The following ARHGAP26 variants were observed in gnomAD, a reference collection of about 807,000 sequenced individuals.
ARHGAP26 encodes the protein Rho GTPase activating protein 26.
ARHGAP26 carries 38 observed loss-of-function variants against 104.8 expected under a neutral mutation model. The observed-to-expected ratio is 0.36, with a 90% CI of 0.28 to 0.48. ARHGAP26 has a LOEUF of 0.48. Ranked by LOEUF, ARHGAP26 falls within the 20% of genes least tolerant of loss-of-function variation. ARHGAP26 has a pLI of 0.99. For synonymous variants in ARHGAP26, 341 were observed against 340.0 expected (o/e 1.00, Z -0.03); for missense variants, 704 against 947.9 (o/e 0.74, Z 3.38).
At chr5:143,018,609 G>A (rs1181246197) in intron 12 of ARHGAP26, among the ~76,000 whole-genome samples, 1 of 152,142 alleles carries the variant, frequency 6.6e-6, no homozygotes, top group Non-Finnish European at 1.5e-5. Context: ...TTCTTCCCTC[G>A]ATTGATTTGT....
intron 12 of ARHGAP26, among the ~76,000 whole-genome samples, chr5:143,016,511 T>C (rs1779607668): frequency 6.6e-6 from 1 of 152,154 alleles, no homozygotes; most frequent in Non-Finnish European, 1.5e-5. Context: ...GAGACCAGCC[T>C]GGCCAACATG....
chr5:143,049,077 T>C (rs1002571813), intron 14 of ARHGAP26, among the ~76,000 whole-genome samples: 2 of 152,168 alleles, frequency 1.3e-5, no homozygotes, highest in Non-Finnish European at 2.9e-5. Flanking sequence ...TCCACTACTT[T>C]TATATATCAC....
chr5:143,068,520 T>C (rs918085249), intron 17 of ARHGAP26, among the ~76,000 whole-genome samples: 1 of 152,164 alleles, frequency 6.6e-6, no homozygotes, highest in Non-Finnish European at 1.5e-5. Flanking sequence ...GCCGATTGAC[T>C]CCCCGTTGGA....
Position 143,084,031 on chromosome 5 carries a change from G to T in ARHGAP26, c.1538+26284G>T, listed in dbSNP as rs370256909. ...TTTAAAGCATCTGCAGGCTCTCGCC[G>T]TCCACGTCATTGACTTTTATATGAT... On this transcript the variant is annotated intron_variant, in intron 17 of 22. Transcript: ENST00000645722. Among the ~76,000 whole-genome samples the T allele has an allele frequency of 5.9e-5, 9 of 152,276 alleles. No homozygotes were observed. In the South Asian group the frequency reaches 1.9e-3, roughly 32 times the overall value.
intron 11 of ARHGAP26, 39 bp downstream of exon 11, chr5:142,932,164 C>T (rs1764825412): frequency 6.3e-7 from 1 of 1,587,952 alleles, no homozygotes; most frequent in Non-Finnish European, 8.6e-7. Context: ...AGAATGAAGG[C>T]CCTGAGTTGT....
At chr5:142,776,930 G>A (rs1465042461) in intron 1 of ARHGAP26, among the ~76,000 whole-genome samples, 1 of 152,156 alleles carries the variant, frequency 6.6e-6, no homozygotes, top group East Asian at 1.9e-4. Context: ...AATACTTGTT[G>A]TTGTCTTTCT....
At chr5:143,013,198 C>G (rs1779131503) in intron 11 of ARHGAP26, among the ~76,000 whole-genome samples, 1 of 152,160 alleles carries the variant, frequency 6.6e-6, no homozygotes, top group Admixed American at 6.5e-5. Context: ...GATTAGTAGG[C>G]TTGCATTTCA....
At chr5:143,215,916 A>G (rs115386119) in intron 22 of ARHGAP26, among the ~76,000 whole-genome samples, 1,655 of 152,186 alleles carry the variant, frequency 0.011, 22 homozygotes, top group African/African-American at 0.037. Flanking sequence ...TGCTGTGAAC[A>G]TGTGTGTAGG....
chr5:142,822,724 C>T (rs968396055), intron 1 of ARHGAP26, among the ~76,000 whole-genome samples: 3 of 152,232 alleles, frequency 2.0e-5, no homozygotes, highest in Middle Eastern at 3.4e-3. Flanking sequence ...GTAAAGCATT[C>T]GAATGGTTGG....
At chr5:143,014,276 A>G (rs2152819638) in intron 12 of ARHGAP26, 160 bp downstream of exon 12, 4 of 731,444 alleles carry the variant, frequency 5.5e-6, no homozygotes, top group Non-Finnish European at 9.6e-6. Context: ...ACTTTCCGCC[A>G]GTGACTCCAG....
intron 11 of ARHGAP26, among the ~76,000 whole-genome samples, chr5:142,963,190 ATATATATATG>A (rs1467900562): frequency 4.0e-5 from 4 of 100,520 alleles, no homozygotes; most frequent in Non-Finnish European, 6.8e-5. Flanking sequence ...ATATATATAT[ATATATATATG>A]TGTGTGTGTG....
chr5:142,962,152 C>G (rs1166358739), intron 11 of ARHGAP26, among the ~76,000 whole-genome samples: 2 of 152,178 alleles, frequency 1.3e-5, no homozygotes, highest in Non-Finnish European at 2.9e-5. Flanking sequence ...CGCCTGTCTT[C>G]TACAGATTAT....
At chr5:142,862,993 G>T (rs1262474559) in intron 1 of ARHGAP26, among the ~76,000 whole-genome samples, 2 of 152,042 alleles carry the variant, frequency 1.3e-5, no homozygotes, top group Admixed American at 6.5e-5. Flanking sequence ...GTGCCTTGCT[G>T]TAGGAATATC....
Position 143,106,692 on chromosome 5 carries a change from C to T in ARHGAP26, c.1539-14296C>T, listed in dbSNP as rs145108078. 9.4e-3 allele frequency among the ~76,000 whole-genome samples: 1,435 copies of T among 152,092 alleles called. 13 individuals are homozygous for T. The highest frequency in any genetic ancestry group is 0.027 in the Middle Eastern group (8 of 294). On this transcript the variant is annotated intron_variant, in intron 17 of 22. Coordinates refer to ENST00000645722, the MANE Select transcript of ARHGAP26 (RefSeq NM_001135608.3). The stretch of plus-strand genomic sequence containing the variant: ...TTCTCCATGTTGGTCAGGCTGCTCT[C>T]GAACTCCTGACCTCAGGTGATCCAC...
intron 17 of ARHGAP26, among the ~76,000 whole-genome samples, chr5:143,084,765 G>C (rs904298548): frequency 1.3e-5 from 2 of 152,132 alleles, no homozygotes; most frequent in Non-Finnish European, 2.9e-5. Flanking sequence ...TACTTTCTCC[G>C]CTGGGCGCGG....
chr5:143,081,376 T>C (rs1789786123), intron 17 of ARHGAP26, among the ~76,000 whole-genome samples: 1 of 152,174 alleles, frequency 6.6e-6, no homozygotes, highest in South Asian at 2.1e-4. Flanking sequence ...GAGAATAAAA[T>C]AAAATCAAAC....
At chr5:142,968,692 A>T (rs1771778608) in intron 11 of ARHGAP26, among the ~76,000 whole-genome samples, 1 of 152,116 alleles carries the variant, frequency 6.6e-6, no homozygotes, top group Admixed American at 6.6e-5. Context: ...ACATGTGTTG[A>T]TGGAATTGTG....
chr5:143,119,376 T>C (rs560441623), intron 17 of ARHGAP26, among the ~76,000 whole-genome samples: 1 of 152,300 alleles, frequency 6.6e-6, no homozygotes, highest in South Asian at 2.1e-4. Flanking sequence ...TATAAGGACA[T>C]AGAATTTCCT....
intron 1 of ARHGAP26, among the ~76,000 whole-genome samples, chr5:142,864,520 A>G (rs1262303080): frequency 6.6e-6 from 1 of 152,238 alleles, no homozygotes; most frequent in Admixed American, 6.5e-5. Context: ...TGAGCACTGA[A>G]GAAAACCCTT....
Sources: allele counts gnomAD v4.1 joint callset (sites outside exome capture counted in the v4.1 genomes callset), GRCh38; gene constraint gnomAD v4.1.1; transcripts MANE v1.5; gene names NCBI Gene and HGNC (gene_info 2026-07-23, HGNC 2026-07-21).